FAM171A1: variants seen among roughly 807,000 people sequenced by gnomAD.
The protein encoded by FAM171A1 is protein FAM171A1.
FAM171A1 carries 23 observed loss-of-function variants against 74.9 expected under a neutral mutation model. The observed-to-expected ratio is 0.31, with a 90% CI of 0.22 to 0.44. The LOEUF (loss-of-function observed/expected upper bound fraction) is 0.44. FAM171A1 is among the 20% of genes least tolerant of loss of function. The pLI is 1.00. For missense variants in FAM171A1, 1,162 were observed against 1,159.2 expected, an observed-to-expected ratio of 1.00 and a Z score of -0.03; for synonymous variants, 527 against 505.7, an observed-to-expected ratio of 1.04 and a Z score of -0.57.
chr10:15,330,566 T>C (rs575854765), intron 1 of FAM171A1, among the ~76,000 whole-genome samples: 15 of 152,118 alleles, frequency 9.9e-5, no homozygotes, highest in Non-Finnish European at 1.5e-4. Context: ...GTGCAACCAA[T>C]TGAAAGCTGT....
chr10:15,219,152 G>A (rs2131709370), intron 6 of FAM171A1, among the ~76,000 whole-genome samples: 1 of 152,196 alleles, frequency 6.6e-6, no homozygotes, highest in East Asian at 1.9e-4. Context: ...TGTGGCGGCG[G>A]AGACCTGTAA....
intron 5 of FAM171A1, among the ~76,000 whole-genome samples, chr10:15,228,533 G>T (rs542369568): frequency 6.6e-6 from 1 of 151,928 alleles, no homozygotes; most frequent in East Asian, 1.9e-4. Flanking sequence ...TAGTAGAGAT[G>T]GGGTTTCACC....
intron 5 of FAM171A1, among the ~76,000 whole-genome samples, chr10:15,236,170 C>A (rs1834286483): frequency 6.6e-6 from 1 of 151,778 alleles, no homozygotes; most frequent in Non-Finnish European, 1.5e-5. Context: ...GGGCCCCGAC[C>A]AATCAGACTG....
intron 1 of FAM171A1, among the ~76,000 whole-genome samples, chr10:15,370,703 C>T (rs953818983): frequency 1.3e-5 from 2 of 151,334 alleles, no homozygotes; most frequent in Non-Finnish European, 3.0e-5. Flanking sequence ...GCTGGAGCTG[C>T]CCGCGCCCCC....
At position 15,254,717 on chromosome 10, in the gene FAM171A1, T is replaced by C. The variant is rs1417862420; in HGVS notation, c.577+4A>G. 6 of 1,613,202 alleles carry C rather than the reference T, an allele frequency of 3.7e-6. No individual in the cohort carries two copies. The highest frequency in any genetic ancestry group is 5.1e-6 in the Non-Finnish European group (6 of 1,179,412). Reference sequence around the variant, plus strand: ...CCACTGAAAAGAGAAAAGACTCCAATTACCTGTTCCATTTCCGTCTAATCC... The same window carrying C: ...CCACTGAAAAGAGAAAAGACTCCAACTACCTGTTCCATTTCCGTCTAATCC... On this transcript the variant is annotated splice_donor_region_variant and intron_variant, in intron 4 of 7. Transcript: ENST00000378116.
chr10:15,259,286 C>T (rs1834625101), intron 3 of FAM171A1, among the ~76,000 whole-genome samples: 1 of 152,158 alleles, frequency 6.6e-6, no homozygotes, highest in African/African-American at 2.4e-5. Flanking sequence ...CTGCCTCTCA[C>T]CTCAACTATT....
intron 3 of FAM171A1, among the ~76,000 whole-genome samples, chr10:15,268,025 G>T (rs1016546824): frequency 3.2e-4 from 48 of 152,270 alleles, no homozygotes; most frequent in African/African-American, 9.9e-4. Context: ...TGAGCACGTG[G>T]GCCTAAAAGC....
At chr10:15,232,825 G>C (rs559750659) in intron 5 of FAM171A1, among the ~76,000 whole-genome samples, 1 of 152,290 alleles carries the variant, frequency 6.6e-6, no homozygotes, top group East Asian at 1.9e-4. Context: ...CCCTTCCCTA[G>C]GATGTCCCAT....
chr10:15,330,126 G>C (rs190090223), intron 1 of FAM171A1, among the ~76,000 whole-genome samples: 1 of 152,134 alleles, frequency 6.6e-6, no homozygotes, highest in Non-Finnish European at 1.5e-5. Flanking sequence ...TGGATCACTT[G>C]AAGTCAGGAG....
At chr10:15,279,698 T>A (rs957715698) in intron 2 of FAM171A1, among the ~76,000 whole-genome samples, 1 of 151,986 alleles carries the variant, frequency 6.6e-6, no homozygotes, top group Non-Finnish European at 1.5e-5. Context: ...GGCAGGCGGA[T>A]CACAAGGTTA....
chr10:15,282,313 CAT>C (rs1013022384), intron 2 of FAM171A1, among the ~76,000 whole-genome samples: 1 of 152,132 alleles, frequency 6.6e-6, no homozygotes, highest in South Asian at 2.1e-4. Flanking sequence ...ATGGAGAAAA[CAT>C]GTGTGTTCGA....
Position 15,213,987 on chromosome 10 carries a change from C to T in FAM171A1, c.1601G>A (p.Arg534His), listed in dbSNP as rs776191844. Reference protein sequence around the residue: ...SSPEKEQLLDRRPTECMMSRS... With the variant: ...SSPEKEQLLDHRPTECMMSRS... ...CGACATCATACATTCAGTGGGTCTG[C>T]GGTCCAGCAGCTGTTCTTTCTCAGG... is the stretch of plus-strand genomic sequence containing the variant. Residue 534 changes from arginine (R) to histidine (H), a missense_variant, in exon 8 of 8, where the codon CGC (arginine) becomes CAC (histidine). Coordinates refer to ENST00000378116, the MANE Select transcript of FAM171A1 (RefSeq NM_001010924.2). This position sits in a 1 kb window ranked among gnomAD's most constrained non-coding sequence, Gnocchi z 6.8. 4.3e-6 allele frequency: 7 copies of T among 1,614,022 alleles called. No homozygotes were observed. The highest frequency in any genetic ancestry group is 2.2e-5 in the East Asian group (1 of 44,880).
chr10:15,299,068 G>A lies in FAM171A1; in HGVS notation c.98-14963C>T, dbSNP rs554594787. On this transcript the variant is annotated intron_variant, in intron 1 of 7. Coordinates refer to ENST00000378116, the MANE Select transcript of FAM171A1 (RefSeq NM_001010924.2). The stretch of plus-strand genomic sequence containing the variant: ...CCTGGGTAGCTGGGATTACAGGCAC[G>A]CACCACCACGCCCGGTGAATTTTTG... Among the ~76,000 whole-genome samples the A allele has an allele frequency of 9.9e-5, 15 of 152,172 alleles. No individual in the cohort carries two copies. The South Asian group carries it at 2.9e-3, about 30-fold the overall frequency.
chr10:15,242,978 AC>A (rs1270316330), intron 5 of FAM171A1, among the ~76,000 whole-genome samples: 2 of 152,204 alleles, frequency 1.3e-5, no homozygotes, highest in Non-Finnish European at 2.9e-5. Flanking sequence ...GCTATAAAAA[AC>A]ATTACCACAA....
intron 5 of FAM171A1, among the ~76,000 whole-genome samples, chr10:15,221,403 G>A: frequency 6.6e-6 from 1 of 152,188 alleles, no homozygotes; most frequent in Non-Finnish European, 1.5e-5. Context: ...GGGGGCTGGT[G>A]GGAGTGAAAA....
At chr10:15,372,761 A>G (rs946700532), upstream of FAM171A1, among the ~76,000 whole-genome samples, 1 of 151,744 alleles carries the variant, frequency 6.6e-6, no homozygotes, top group African/African-American at 2.4e-5. Context: ...ACAAAACAAA[A>G]CCAAACCTCT....
In FAM171A1 at chr10:15,216,626, T is replaced by C. The variant is rs116105885; in HGVS notation, c.872-516A>G. On this transcript the variant is annotated intron_variant, in intron 6 of 7. Coordinates refer to ENST00000378116, the MANE Select transcript of FAM171A1 (RefSeq NM_001010924.2). ...TTATAAATTTTTTTTAGAGGCAATG[T>C]TCTCACTATGTTGCCTAGGTGGGTC... 3.1e-3 allele frequency among the ~76,000 whole-genome samples: 472 copies of C among 152,204 alleles called. 1 individual carries two copies. Among genetic ancestry groups the C allele is most frequent in the African/African-American group, 0.01 (435 of 41,534 alleles).
chr10:15,339,958 G>A (rs907738415), intron 1 of FAM171A1, among the ~76,000 whole-genome samples: 6 of 152,126 alleles, frequency 3.9e-5, no homozygotes, highest in African/African-American at 1.2e-4. Flanking sequence ...ATCAGATCTC[G>A]TGAGACTTAT....
intron 2 of FAM171A1, among the ~76,000 whole-genome samples, chr10:15,276,625 C>T (rs2131800585): frequency 6.6e-6 from 1 of 152,238 alleles, no homozygotes; most frequent in South Asian, 2.1e-4. Context: ...TAATGTGTAC[C>T]TCATGGTAAA....
Sources: allele counts gnomAD v4.1 joint callset (sites outside exome capture counted in the v4.1 genomes callset), GRCh38; gene constraint gnomAD v4.1.1; non-coding constraint Gnocchi (gnomAD v3.1); transcripts MANE v1.5; gene names NCBI Gene and HGNC (gene_info 2026-07-23, HGNC 2026-07-21).